LRRC38: variants seen among roughly 807,000 people sequenced by gnomAD.
LRRC38 encodes the protein leucine rich repeat containing 38.
LRRC38 carries 5 observed loss-of-function variants against 16.4 expected under a neutral mutation model. That is an observed-to-expected ratio of 0.31 (90% CI 0.16 to 0.64). The LOEUF (loss-of-function observed/expected upper bound fraction) is 0.64. Among genes scored for constraint, LRRC38 ranks in the 30% least tolerant of loss-of-function variants. LRRC38 has a pLI of 0.80. For synonymous variants in LRRC38, 191 were observed against 190.2 expected (o/e 1.00, Z -0.04); for missense variants, 341 against 401.8 (o/e 0.85, Z 1.29).
intron 1 of LRRC38, among the ~76,000 whole-genome samples, chr1:13,488,242 T>C (rs1431727675): frequency 1.3e-5 from 2 of 151,478 alleles, no homozygotes; most frequent in African/African-American, 4.9e-5. Context: ...TTAGAACTAA[T>C]GCTGCTATGA....
intron 1 of LRRC38, among the ~76,000 whole-genome samples, chr1:13,484,122 G>A (rs1638903139): frequency 1.3e-5 from 2 of 152,054 alleles, no homozygotes; most frequent in Admixed American, 1.3e-4. Flanking sequence ...CGCCTTGCTT[G>A]CCGTTCCTCA....
chr1:13,495,339 G>A (rs1639069269), intron 1 of LRRC38, among the ~76,000 whole-genome samples: 1 of 152,116 alleles, frequency 6.6e-6, no homozygotes, highest in South Asian at 2.1e-4. Flanking sequence ...GATTCTGGTT[G>A]CTGGTGGGTG....
At chr1:13,482,297 C>T (rs1030216299) in intron 1 of LRRC38, among the ~76,000 whole-genome samples, 6 of 152,038 alleles carry the variant, frequency 3.9e-5, no homozygotes, top group Non-Finnish European at 8.8e-5. Context: ...CAAAGCCTGG[C>T]CAGGCACGGT....
chr1:13,480,182 T>C (rs1227983517), intron 1 of LRRC38, among the ~76,000 whole-genome samples: 1 of 152,056 alleles, frequency 6.6e-6, no homozygotes, highest in Non-Finnish European at 1.5e-5. Context: ...CCACCTGTAC[T>C]AAAAGTACAA....
Position 13,475,989 on chromosome 1 carries a change from G to C in LRRC38, c.742C>G (p.Leu248Val). ...ACACCGGAGAAAATGATGATGCAGA[G>C]GTCTGTGAGTGACAGGCTGAACCTA... ...ECRFSLSLTD[L>V]CIIIFSGVAV... is the part of the protein sequence containing the mutation. Residue 248 changes from leucine (L) to valine (V), a missense_variant, in exon 2 of 2, where the codon CTC becomes GTC. Transcript: ENST00000376085. This position sits in a 1 kb window ranked among gnomAD's most constrained non-coding sequence, Gnocchi z 4.3. 6.4e-7 allele frequency: 1 copy of C among 1,550,604 alleles called. No individual in the cohort carries two copies. Among genetic ancestry groups the C allele is most frequent in the Non-Finnish European group, 8.7e-7 (1 of 1,146,994 alleles).
intron 1 of LRRC38, among the ~76,000 whole-genome samples, chr1:13,505,861 T>TC (rs1639206021): frequency 6.7e-6 from 1 of 148,944 alleles, no homozygotes; most frequent in African/African-American, 2.5e-5. Context: ...TTGGGCGTGT[T>TC]CCGGGGACAG....
At chr1:13,481,772 C>CTCT (rs1638869740) in intron 1 of LRRC38, among the ~76,000 whole-genome samples, 2 of 30,078 alleles carry the variant, frequency 6.6e-5, no homozygotes, top group African/African-American at 6.1e-4. Context: ...CCTCTCTCTC[C>CTCT]CTCTCTCCCT....
At chr1:13,481,395 T>A (rs1638853890) in intron 1 of LRRC38, among the ~76,000 whole-genome samples, 1 of 141,618 alleles carries the variant, frequency 7.1e-6, no homozygotes, top group African/African-American at 2.6e-5. Flanking sequence ...ATTTTTTTTT[T>A]TTTGTTCTTT....
intron 1 of LRRC38, among the ~76,000 whole-genome samples, chr1:13,500,426 G>A (rs1639134779): frequency 6.6e-6 from 1 of 152,142 alleles, no homozygotes; most frequent in Admixed American, 6.5e-5. Flanking sequence ...TTGCCCTACT[G>A]TTTCACTAAG....
At chr1:13,505,372 A>C (rs1216784082) in intron 1 of LRRC38, among the ~76,000 whole-genome samples, 1 of 152,224 alleles carries the variant, frequency 6.6e-6, no homozygotes, top group Non-Finnish European at 1.5e-5. Flanking sequence ...CCCTGAGAAC[A>C]TGCATTCTGG....
rs1174095763 is a variant in LRRC38 at position 13,476,021 on chromosome 1, C to T, written c.710G>A (p.Ser237Asn). Residue 237 changes from serine to asparagine, a missense_variant, in exon 2 of 2, where the codon AGC becomes AAC. By Grantham distance (46) the Ser-to-Asn change is conservative. Transcript: ENST00000376085. ...GAGTGACAGGCTGAACCTACACTCG[C>T]TGAAGCTGGCCTCCGACAGCTCACG... ...SLRELSEASF[S>N]ECRFSLSLTD... The T allele has an allele frequency of 1.3e-6, 2 of 1,550,560 alleles. No homozygotes were observed. Among genetic ancestry groups the T allele is most frequent in the East Asian group, 2.4e-5 (1 of 40,920 alleles).
intron 1 of LRRC38, among the ~76,000 whole-genome samples, chr1:13,508,955 C>T (rs1455286029): frequency 2.0e-5 from 3 of 152,162 alleles, no homozygotes; most frequent in Admixed American, 6.5e-5. Flanking sequence ...TGGGGTTAAA[C>T]GACATGACCT....
At chr1:13,512,924 C>CCCCGG in intron 1 of LRRC38, 39 bp downstream of exon 1, 1 of 1,215,338 alleles carries the variant, frequency 8.2e-7, no homozygotes, top group Non-Finnish European at 1.1e-6. Flanking sequence ...TCTCCCTGCC[C>CCCCGG]CCCTCCCTCC....
At chr1:13,503,727 A>G (rs141834009) in intron 1 of LRRC38, among the ~76,000 whole-genome samples, 15 of 152,322 alleles carry the variant, frequency 9.8e-5, no homozygotes, top group African/African-American at 3.1e-4. Context: ...GAAGCCGAGA[A>G]AAGCACGTGA....
intron 1 of LRRC38, among the ~76,000 whole-genome samples, chr1:13,496,791 C>T (rs1188829373): frequency 2.0e-5 from 3 of 152,122 alleles, no homozygotes; most frequent in Admixed American, 2.0e-4. Context: ...AAATGTATAA[C>T]ATGACCCATA....
Position 13,513,074 on chromosome 1 carries a change from C to A in LRRC38, c.520G>T (p.Ala174Ser), listed in dbSNP as rs752548390. The change falls in exon 1 of 2, where the codon GCG (alanine) becomes TCG (serine). Residue 174 changes from alanine to serine, a missense_variant. Coordinates refer to ENST00000376085, the MANE Select transcript of LRRC38 (RefSeq NM_001010847.2). ...CGCAGGGAGCGCAGCGCGGGCAGCG[C>A]GGCCAGGGCGGCCACGCTGAGGCTG... Reference protein sequence around the residue: ...LRSLSVAALAALPALRSLRLD... With the variant: ...LRSLSVAALASLPALRSLRLD... The A allele has an allele frequency of 3.9e-6, 6 of 1,549,872 alleles. No homozygotes were observed. Among genetic ancestry groups the A allele is most frequent in the Non-Finnish European group, 5.2e-6 (6 of 1,146,686 alleles).
intron 1 of LRRC38, among the ~76,000 whole-genome samples, chr1:13,494,492 T>C (rs1167521506): frequency 6.6e-6 from 1 of 151,608 alleles, no homozygotes; most frequent in Non-Finnish European, 1.5e-5. Flanking sequence ...GATAGACTTG[T>C]GAATATTTTT....
At chr1:13,496,925 G>A (rs1379253704) in intron 1 of LRRC38, among the ~76,000 whole-genome samples, 5 of 152,108 alleles carry the variant, frequency 3.3e-5, no homozygotes, top group South Asian at 4.2e-4. Flanking sequence ...AGGGTCTGAC[G>A]GGAGGGAGGG....
At chr1:13,478,311 A>G (rs1445965865) in intron 1 of LRRC38, among the ~76,000 whole-genome samples, 2 of 152,270 alleles carry the variant, frequency 1.3e-5, no homozygotes, top group African/African-American at 4.8e-5. Flanking sequence ...GTTTTTACTC[A>G]TAACAATCTT....
Sources: allele counts gnomAD v4.1 joint callset (sites outside exome capture counted in the v4.1 genomes callset), GRCh38; gene constraint gnomAD v4.1.1; non-coding constraint Gnocchi (gnomAD v3.1); transcripts MANE v1.5; gene names NCBI Gene and HGNC (gene_info 2026-07-23, HGNC 2026-07-21).